The following NOS1 variants were observed in gnomAD, a reference collection of about 807,000 sequenced individuals.
NOS1 encodes NOS type I.
A neutral mutation model predicts 164.5 loss-of-function variants in NOS1; 51 were observed. That is an observed-to-expected ratio of 0.31 (90% CI 0.25 to 0.39). NOS1 has a LOEUF of 0.39. NOS1 is among the 10% of genes least tolerant of loss of function. NOS1 has a pLI of 1.00. For missense variants in NOS1, 1,362 were observed against 1,885.6 expected (o/e 0.72, Z 5.14); for synonymous variants, 719 against 745.8 (o/e 0.96, Z 0.59).
At chr12:117,323,154 GAAGA>G (rs1875071536) in intron 2 of NOS1, among the ~76,000 whole-genome samples, 1 of 152,190 alleles carries the variant, frequency 6.6e-6, no homozygotes, top group Non-Finnish European at 1.5e-5. Flanking sequence ...TTGCAGTGAA[GAAGA>G]AAGGGCATGA....
chr12:117,337,676 T>C (rs939247657), intron 1 of NOS1, among the ~76,000 whole-genome samples: 3 of 152,094 alleles, frequency 2.0e-5, no homozygotes, highest in Admixed American at 1.3e-4. Flanking sequence ...CCTCTGGGAA[T>C]AGGCATGGTG....
chr12:117,290,451 G>T, intron 3 of NOS1, 25 bp from the exon 4 acceptor site: 1 of 1,600,566 alleles, frequency 6.2e-7, no homozygotes, highest in Non-Finnish European at 8.5e-7. Flanking sequence ...GAAGGTGGAA[G>T]ATGAGGCAGG....
chr12:117,358,737 GTC>G (rs2136100582), intron 1 of NOS1, among the ~76,000 whole-genome samples: 1 of 152,306 alleles, frequency 6.6e-6, no homozygotes, highest in South Asian at 2.1e-4. Context: ...TCTTCACCAG[GTC>G]TCTCTACCAC....
At position 117,311,521 on chromosome 12, in the gene NOS1, C is replaced by A. The variant is rs767489788; in HGVS notation, c.797G>T (p.Trp266Leu). 28 of 1,612,476 alleles carry A rather than the reference C, an allele frequency of 1.7e-5. 1 individual carries two copies. The highest frequency in any genetic ancestry group is 2.2e-5 in the Non-Finnish European group (26 of 1,179,428). Residue 266 changes from tryptophan (W) to leucine (L), a missense_variant, in exon 3 of 29, where the codon TGG (tryptophan) becomes TTG (leucine). Trp to Leu is a moderately conservative substitution (Grantham distance 61, BLOSUM62 -2). Coordinates refer to ENST00000317775, the MANE Select transcript of NOS1 (RefSeq NM_000620.5). ...VENDRVFNDL[W>L]GKGNVPVVLN... ...GACGACAGGCACATTGCCCTTCCCC[C>A]ATAGGTCATTGAAGACTCGGTCGTT... is the stretch of plus-strand genomic sequence containing the variant.
In NOS1 at chr12:117,234,518, TGCCTCTGCA is replaced by T; in HGVS notation, c.3235+38_3235+46del. The T allele has an allele frequency of 6.4e-7, 1 of 1,572,154 alleles. No individual in the cohort carries two copies. The highest frequency in any genetic ancestry group is 8.7e-7 in the Non-Finnish European group (1 of 1,152,448). ...GGTATCTTCTTCCCGAGACACCCAC[TGCCTCTGCA>T]GCTCCCTAGAGCAGGGAAGGGTCCC... On this transcript the variant is annotated intron_variant, in intron 21 of 28. Transcript: ENST00000317775. This position sits in a 1 kb window ranked among gnomAD's most constrained non-coding sequence, Gnocchi z 4.3.
At chr12:117,262,964 C>T (rs2650164) in intron 13 of NOS1, among the ~76,000 whole-genome samples, 10,987 of 152,096 alleles carry the variant, frequency 0.072, 448 homozygotes, top group African/African-American at 0.12. Context: ...TCACCTCCTC[C>T]AGGAAGCCCT....
intron 17 of NOS1, among the ~76,000 whole-genome samples, chr12:117,248,039 T>G (rs1267387745): frequency 1.3e-5 from 2 of 151,748 alleles, no homozygotes; most frequent in Non-Finnish European, 2.9e-5. Context: ...TCTCTCTCCC[T>G]CTTTCCTTTC....
chr12:117,312,106 A>T (rs2136055895), intron 2 of NOS1, among the ~76,000 whole-genome samples: 1 of 152,366 alleles, frequency 6.6e-6, no homozygotes, highest in African/African-American at 2.4e-5. Context: ...GCAGCTCAGG[A>T]CAAACAGAAT....
At chr12:117,288,041 A>T in intron 5 of NOS1, 33 bp downstream of exon 5, 1 of 1,612,132 alleles carries the variant, frequency 6.2e-7, no homozygotes. Context: ...TCGATAACTT[A>T]CCTCGGGCTC....
intron 2 of NOS1, among the ~76,000 whole-genome samples, chr12:117,329,868 G>C (rs564643582): frequency 6.8e-4 from 103 of 152,222 alleles, no homozygotes; most frequent in Non-Finnish European, 1.3e-3. Context: ...TTAAGCTAAG[G>C]GTTGCCCAGG....
chr12:117,339,136 G>A (rs193121685), intron 1 of NOS1, among the ~76,000 whole-genome samples: 146 of 152,320 alleles, frequency 9.6e-4, no homozygotes, highest in Non-Finnish European at 1.5e-3. Flanking sequence ...CTCCCATGCC[G>A]GTAAGTCATG....
chr12:117,312,128 T>A (rs1044298602), intron 2 of NOS1, among the ~76,000 whole-genome samples: 1 of 152,016 alleles, frequency 6.6e-6, no homozygotes. Flanking sequence ...ATTCGGAAAA[T>A]AAAGGGAACA....
At chr12:117,222,960 G>A (rs182349946) in intron 25 of NOS1, 97 bp from the exon 26 acceptor site, 20 of 1,395,784 alleles carry the variant, frequency 1.4e-5, no homozygotes, top group African/African-American at 2.9e-5. Context: ...CTTAGCGTGT[G>A]CCATGCGGAT....
At chr12:117,222,974 G>A in intron 25 of NOS1, 111 bp from the exon 26 acceptor site, 2 of 1,278,726 alleles carry the variant, frequency 1.6e-6, no homozygotes, top group Non-Finnish European at 2.2e-6. Context: ...TGCGGATAGA[G>A]GCTCACAAAC....
rs370681450 is a variant in NOS1 at position 117,215,471 on chromosome 12, C to A, written c.4290-147G>T. 8 of 1,125,106 alleles carry A rather than the reference C, an allele frequency of 7.1e-6. No individual in the cohort carries two copies. In the South Asian group the frequency reaches 2.7e-4, roughly 39 times the overall value. 69.7% of individuals were successfully genotyped at this position (1,125,106 alleles called of 1,614,324 possible). ...TTTTTTTTTGAGACGGAGTTTCGCT[C>A]TGTCACCCAGGCTGGAGTGCAGTGG... On this transcript the variant is annotated intron_variant, in intron 28 of 28. Coordinates refer to ENST00000317775, the MANE Select transcript of NOS1 (RefSeq NM_000620.5).
At position 117,253,717 on chromosome 12, in the gene NOS1, A is replaced by G. The variant is rs1273407932; in HGVS notation, c.2569T>C (p.Ser857Pro). Residue 857 changes from serine (S) to proline (P), a missense_variant, in exon 17 of 29, where the codon TCT (serine) becomes CCT (proline). Ser to Pro is a moderately conservative substitution (Grantham distance 74). Coordinates refer to ENST00000317775, the MANE Select transcript of NOS1 (RefSeq NM_000620.5). ...TCGCCTGATGATTTTTGGGAGTCAG[A>G]GTAGGAGGAGACGCTGTTGAATCGG... The part of the protein sequence containing the change: ...KVRFNSVSSY[S>P]DSQKSSGDGP... 1 of 1,614,032 alleles carries G rather than the reference A, an allele frequency of 6.2e-7. No homozygotes were observed. Among genetic ancestry groups the G allele is most frequent in the Non-Finnish European group, 8.5e-7 (1 of 1,180,004 alleles).
chr12:117,308,354 A>G (rs533067857), intron 3 of NOS1, among the ~76,000 whole-genome samples: 1 of 152,196 alleles, frequency 6.6e-6, no homozygotes, highest in South Asian at 2.1e-4. Flanking sequence ...AAAAAAATAT[A>G]AAAAGTTAGC....
At chr12:117,244,017 T>C (rs1194944725) in intron 18 of NOS1, among the ~76,000 whole-genome samples, 4 of 152,232 alleles carry the variant, frequency 2.6e-5, no homozygotes, top group Non-Finnish European at 4.4e-5. Context: ...ACTTAAGATA[T>C]AATTCTATTG....
At chr12:117,355,568 A>G in intron 1 of NOS1, among the ~76,000 whole-genome samples, 1 of 152,098 alleles carries the variant, frequency 6.6e-6, no homozygotes, top group East Asian at 1.9e-4. Context: ...CAATGCCCCC[A>G]ATCCAAACAA....
Sources: gnomAD v4.1 joint callset for allele counts (sites outside exome capture counted in the v4.1 genomes callset) on GRCh38, gnomAD v4.1.1 for gene constraint, Gnocchi (gnomAD v3.1) non-coding constraint, MANE v1.5 for transcripts, NCBI Gene and HGNC (gene_info 2026-07-23, HGNC 2026-07-21) for gene names.